Variants in CAPS2 observed in about 807,000 individuals in gnomAD.
CAPS2 encodes the protein calcyphosin-2.
A neutral mutation model predicts 86.5 loss-of-function variants in CAPS2; 98 were observed. The ratio of observed to expected loss-of-function variants is 1.13; its 90% confidence interval spans 0.96 to 1.34. The LOEUF is 1.34. CAPS2 is among the 40% of genes most tolerant of loss of function. CAPS2 has a pLI of 0.00. For synonymous variants in CAPS2, 210 were observed against 225.1 expected, an observed-to-expected ratio of 0.93 and a Z score of 0.60; for missense variants, 729 against 686.8, an observed-to-expected ratio of 1.06 and a Z score of -0.69.
chr12:75,360,969 T>A (rs1347569341), intron 1 of CAPS2: 1 of 152,184 alleles, frequency 6.6e-6, no homozygotes, highest in East Asian at 1.9e-4. Context: ...TTAGCTCAGA[T>A]AAGTCTGAGG....
chr12:75,330,028 G>A, upstream of CAPS2: 1 of 518,822 alleles, frequency 1.9e-6, no homozygotes, highest in Non-Finnish European at 3.4e-6. Context: ...CTTTAGACAG[G>A]ACAGTCTAGA....
At chr12:75,329,617 GC>G (rs1195982001), upstream of CAPS2, among the ~76,000 whole-genome samples, 1 of 151,190 alleles carries the variant, frequency 6.6e-6, no homozygotes, top group Non-Finnish European at 1.5e-5. Context: ...ATTTAATTCA[GC>G]CCATAAATAA....
At chr12:75,361,309 G>A (rs1055668545) in intron 1 of CAPS2, among the ~76,000 whole-genome samples, 3 of 152,204 alleles carry the variant, frequency 2.0e-5, no homozygotes, top group African/African-American at 7.2e-5. Flanking sequence ...TAGGTGAAGG[G>A]TGGGTATCAA....
At chr12:75,311,724 CAAAAAA>C (rs1188952105) in intron 7 of CAPS2, among the ~76,000 whole-genome samples, 1 of 15,656 alleles carries the variant, frequency 6.4e-5, no homozygotes, top group African/African-American at 2.3e-4. Flanking sequence ...AAAAAAAAAA[CAAAAAA>C]AAAAAAAAAA....
At chr12:75,312,270 C>G (rs2039314103) in intron 7 of CAPS2, among the ~76,000 whole-genome samples, 1 of 152,172 alleles carries the variant, frequency 6.6e-6, no homozygotes, top group Non-Finnish European at 1.5e-5. Context: ...GAGGGAAACT[C>G]AGTGATACTT....
chr12:75,361,302 G>A (rs920155147), intron 1 of CAPS2, among the ~76,000 whole-genome samples: 5 of 152,216 alleles, frequency 3.3e-5, no homozygotes, highest in Non-Finnish European at 4.4e-5. Flanking sequence ...TGTAAAATAG[G>A]TGAAGGGTGG....
intron 1 of CAPS2, among the ~76,000 whole-genome samples, chr12:75,344,775 T>C (rs1353866505): frequency 5.3e-5 from 8 of 152,150 alleles, no homozygotes; most frequent in African/African-American, 1.9e-4. Flanking sequence ...CTAAGTTACC[T>C]GCAATTTATT....
At chr12:75,369,621 T>C in intron 1 of CAPS2, 1 of 984,894 alleles carries the variant, frequency 1.0e-6, no homozygotes, top group Non-Finnish European at 1.2e-6. Context: ...ATACAAAAAA[T>C]TCAACATGAA....
At chr12:75,302,892 G>C (rs2037986398) in intron 8 of CAPS2, among the ~76,000 whole-genome samples, 1 of 152,136 alleles carries the variant, frequency 6.6e-6, no homozygotes, top group Admixed American at 6.6e-5. Flanking sequence ...CAAAGATATG[G>C]TGCAACAAGA....
chr12:75,345,086 G>C (rs11834186), intron 1 of CAPS2, among the ~76,000 whole-genome samples: 51 of 152,182 alleles, frequency 3.4e-4, no homozygotes, highest in African/African-American at 1.1e-3. Context: ...CATTGTCCTA[G>C]TGTGTCACTG....
intron 7 of CAPS2, chr12:75,306,383 A>C: frequency 8.2e-6 from 3 of 366,774 alleles, no homozygotes; most frequent in East Asian, 6.3e-5. Context: ...AGGCCGGTGA[A>C]TGGTTTCTGA....
At chr12:75,291,899 TC>T in intron 12 of CAPS2, 79 bp from the exon 13 acceptor site, 1 of 538,088 alleles carries the variant, frequency 1.9e-6, no homozygotes, top group Non-Finnish European at 3.1e-6. Context: ...TCTAAGCTCT[TC>T]CCTGCTCCAG....
chr12:75,291,567 GTATATATA>G (rs66622366), intron 13 of CAPS2, among the ~76,000 whole-genome samples, 169 bp downstream of exon 13: 735 of 27,674 alleles, frequency 0.027, 9 homozygotes, highest in African/African-American at 0.063. Flanking sequence ...ATTTTTAAAA[GTATATATA>G]TATATATATA....
At chr12:75,354,387 T>A (rs2043014559) in intron 1 of CAPS2, among the ~76,000 whole-genome samples, 1 of 151,668 alleles carries the variant, frequency 6.6e-6, no homozygotes, top group Admixed American at 6.6e-5. Context: ...TCACAATTGC[T>A]AGAAAGAGAA....
intron 16 of CAPS2, among the ~76,000 whole-genome samples, chr12:75,279,308 G>GT (rs796319705): frequency 6.5e-4 from 98 of 151,916 alleles, no homozygotes; most frequent in African/African-American, 2.2e-3. Flanking sequence ...ACAGAACACA[G>GT]TTTTTTTGAT....
At chr12:75,354,386 C>T (rs1038521352) in intron 1 of CAPS2, among the ~76,000 whole-genome samples, 6 of 151,666 alleles carry the variant, frequency 4.0e-5, no homozygotes, top group African/African-American at 1.5e-4. Flanking sequence ...TTCACAATTG[C>T]TAGAAAGAGA....
chr12:75,371,644 C>T (rs1190655313), intron 1 of CAPS2, among the ~76,000 whole-genome samples: 1 of 152,102 alleles, frequency 6.6e-6, no homozygotes, highest in Non-Finnish European at 1.5e-5. Flanking sequence ...CGGAAGTGCT[C>T]TAATCATTAA....
intron 13 of CAPS2, 131 bp downstream of exon 13, chr12:75,291,593 ATATATATATATATATATATT>A (rs200196988): frequency 0.17 from 18,127 of 107,488 alleles, 2,304 homozygotes; most frequent in East Asian, 0.4. Context: ...ATATATATAT[ATATATATATATATATATATT>A]CTTTTTTAAA....
chr12:75,293,126 T>G (rs1247187781), intron 12 of CAPS2, 123 bp downstream of exon 12: 1 of 639,840 alleles, frequency 1.6e-6, no homozygotes, highest in Non-Finnish European at 2.7e-6. Flanking sequence ...TAGCTATGCT[T>G]GTTTTTTCAA....
Sources: gnomAD v4.1 joint callset for allele counts (sites outside exome capture counted in the v4.1 genomes callset) on GRCh38, gnomAD v4.1.1 for gene constraint, MANE v1.5 for transcripts, NCBI Gene and HGNC (gene_info 2026-07-23, HGNC 2026-07-21) for gene names.